Variants in MYH11 observed in about 807,000 individuals in gnomAD.
The protein encoded by MYH11 is myosin-11.
A neutral mutation model predicts 246.6 loss-of-function variants in MYH11; 80 were observed. That is an observed-to-expected ratio of 0.32 (90% CI 0.27 to 0.39). The LOEUF is 0.39. Ranked by LOEUF, MYH11 falls within the 10% of genes least tolerant of loss-of-function variation. The probability of loss-of-function intolerance (pLI) is 1.00; values close to 1 mark genes in which losing one functional copy is unlikely to be tolerated. For missense variants in MYH11, 2,158 were observed against 2,546.8 expected (o/e 0.85, Z 3.29); for synonymous variants, 1,071 against 1,015.5 (o/e 1.05, Z -1.04).
intron 15 of MYH11, among the ~76,000 whole-genome samples, chr16:15,751,847 G>A (rs547910722): frequency 1.3e-5 from 2 of 151,828 alleles, no homozygotes; most frequent in Admixed American, 1.3e-4. Context: ...TGCCCAGGCT[G>A]GAGTCCAATG....
Position 15,726,918 on chromosome 16 carries a change from T to C in MYH11, c.3788A>G (p.Glu1263Gly), listed in dbSNP as rs759729702. The change falls in exon 28 of 41, where the codon GAG (glutamate) becomes GGG (glycine). Residue 1263 changes from glutamate (E) to glycine (G), a missense_variant. Around this residue, in one of 11 missense-constraint regions of MYH11, gnomAD observed 1,013 missense variants for 993.5 expected, o/e 1.02. Coordinates refer to ENST00000300036, the MANE Select transcript of MYH11 (RefSeq NM_002474.3). ...CCCATCGCTGCACTTGGACTGCAGC[T>C]CCTGCACCTGCGCCTCCAGCTTCTT... ...KKKKLEAQVQELQSKCSDGER... is the reference protein window; with the variant it reads ...KKKKLEAQVQGLQSKCSDGER... 19 of 1,612,908 alleles carry C rather than the reference T, an allele frequency of 1.2e-5. No homozygotes were observed. The highest frequency in any genetic ancestry group is 1.4e-5 in the Non-Finnish European group (17 of 1,180,020).
chr16:15,849,078 G>C (rs1370519801), intron 1 of MYH11, among the ~76,000 whole-genome samples: 1 of 152,158 alleles, frequency 6.6e-6, no homozygotes. Context: ...AATGTTTTTG[G>C]TTGGGGGAAG....
At chr16:15,710,487 C>G (rs1175241491) in intron 40 of MYH11, among the ~76,000 whole-genome samples, 1 of 152,124 alleles carries the variant, frequency 6.6e-6, no homozygotes, top group Non-Finnish European at 1.5e-5. Flanking sequence ...CGCCACTGCA[C>G]TCCAGCCTGG....
chr16:15,743,516 C>T (rs116943288), intron 20 of MYH11, among the ~76,000 whole-genome samples: 3,577 of 152,250 alleles, frequency 0.023, 68 homozygotes, highest in South Asian at 0.071. Flanking sequence ...TCAGTGGGGA[C>T]GAACATTTCC....
intron 4 of MYH11, among the ~76,000 whole-genome samples, chr16:15,788,148 A>G (rs916607506): frequency 7.4e-6 from 1 of 134,866 alleles, no homozygotes; most frequent in Non-Finnish European, 1.5e-5. Context: ...AGAAATCATC[A>G]CAATGGAACC....
Position 15,820,468 on chromosome 16 carries a change from C to T in MYH11, c.502+2787G>A, listed in dbSNP as rs2043379495. Among the ~76,000 whole-genome samples the T allele has an allele frequency of 2.8e-5, 4 of 142,900 alleles. No homozygotes were observed. The Admixed American group carries it at 2.8e-4, about 10-fold the overall frequency. The allele number at this position is 142,900 out of a possible 152,430, so 93.7% of individuals were successfully genotyped here. A position where few individuals can be genotyped will look rare whatever the true frequency, so the allele number is the denominator to read the frequency against. On this transcript the variant is annotated intron_variant, in intron 3 of 40. Transcript: ENST00000300036. Reference sequence around the variant, plus strand: ...CAACCTGGGCACCAAGAGGGAAACTCCATCCGGAAAAAAAAAAAAAAAAAG... The same window carrying T: ...CAACCTGGGCACCAAGAGGGAAACTTCATCCGGAAAAAAAAAAAAAAAAAG...
chr16:15,817,525 G>A (rs536250712), intron 3 of MYH11, among the ~76,000 whole-genome samples: 61 of 152,042 alleles, frequency 4.0e-4, no homozygotes, highest in African/African-American at 1.4e-3. Context: ...AAAAAGGGGG[G>A]GAGAATTTAA....
In MYH11 at chr16:15,714,890, C is replaced by T. The variant is rs759479052; in HGVS notation, c.5786+19G>A. ...TCTGGCCTGAGAGACGGGGTCCTCCCGGGCCACGGGCTCCTCACCTGAGCT... is the reference window on the plus strand; with the variant it reads ...TCTGGCCTGAGAGACGGGGTCCTCCTGGGCCACGGGCTCCTCACCTGAGCT... On this transcript the variant is annotated intron_variant, in intron 40 of 40. Coordinates refer to ENST00000300036, the MANE Select transcript of MYH11 (RefSeq NM_002474.3). 24 of 1,612,636 alleles carry T rather than the reference C, an allele frequency of 1.5e-5. No homozygotes were observed. The highest frequency in any genetic ancestry group is 4.4e-5 in the South Asian group (4 of 91,046).
At chr16:15,823,231 C>T (rs1345292373) in intron 3 of MYH11, 24 bp downstream of exon 3, 1 of 1,613,702 alleles carries the variant, frequency 6.2e-7, no homozygotes, top group South Asian at 1.1e-5. Context: ...GGAGCTGGCC[C>T]CGTGCAGCCC....
At chr16:15,818,555 C>T (rs2043320032) in intron 3 of MYH11, among the ~76,000 whole-genome samples, 1 of 151,878 alleles carries the variant, frequency 6.6e-6, no homozygotes, top group African/African-American at 2.4e-5. Flanking sequence ...GCCTCAGCAC[C>T]CCCTGAGTAG....
At chr16:15,782,180 C>T (rs2042370651) in intron 6 of MYH11, among the ~76,000 whole-genome samples, 1 of 152,062 alleles carries the variant, frequency 6.6e-6, no homozygotes, top group African/African-American at 2.4e-5. Flanking sequence ...CGCACCAGGC[C>T]AATCAATATT....
intron 40 of MYH11, among the ~76,000 whole-genome samples, chr16:15,706,792 G>A (rs528698813): frequency 1.3e-5 from 2 of 152,076 alleles, no homozygotes; most frequent in Non-Finnish European, 2.9e-5. Context: ...TTTGGCTCTT[G>A]GAAGAGTCTA....
intron 24 of MYH11, among the ~76,000 whole-genome samples, chr16:15,738,075 C>T (rs933190592): frequency 6.6e-6 from 1 of 152,136 alleles, no homozygotes; most frequent in Non-Finnish European, 1.5e-5. Flanking sequence ...CGAGAGCCAC[C>T]GCACCCAGCC....
At chr16:15,820,631 T>C (rs773173294) in intron 3 of MYH11, among the ~76,000 whole-genome samples, 4 of 152,010 alleles carry the variant, frequency 2.6e-5, no homozygotes, top group African/African-American at 4.8e-5. Flanking sequence ...ACCCATCAAA[T>C]AAATCTGTAA....
At chr16:15,795,729 C>T (rs542144820) in intron 4 of MYH11, among the ~76,000 whole-genome samples, 13 of 152,330 alleles carry the variant, frequency 8.5e-5, no homozygotes, top group African/African-American at 3.1e-4. Context: ...ACAAAGTGCT[C>T]ACCATGGGGC....
In MYH11 at chr16:15,778,823, G is replaced by A; in HGVS notation, c.747C>T (p.Asn249=). ...SSRFGKFIRI[N]FDVTGYIVGA... ...CCACGATGTAACCCGTGACGTCGAA[G>A]TTGATGCGGATGAATTTGCCCTGCC... The change falls in exon 7 of 41, where the codon AAC becomes AAT. Residue 249 remains asparagine, a synonymous_variant. Coordinates refer to ENST00000300036, the MANE Select transcript of MYH11 (RefSeq NM_002474.3). 6.2e-7 allele frequency: 1 copy of A among 1,614,138 alleles called. No homozygotes were observed. The highest frequency in any genetic ancestry group is 8.5e-7 in the Non-Finnish European group (1 of 1,180,030).
At chr16:15,709,123 G>A (rs1011707099) in intron 40 of MYH11, among the ~76,000 whole-genome samples, 1 of 150,024 alleles carries the variant, frequency 6.7e-6, no homozygotes, top group East Asian at 2.0e-4. Flanking sequence ...TGTATTTTTA[G>A]TACAGATGGG....
intron 12 of MYH11, among the ~76,000 whole-genome samples, chr16:15,759,196 CTT>C (rs10593456): frequency 0.066 from 7,881 of 119,264 alleles, 826 homozygotes; most frequent in African/African-American, 0.23. Flanking sequence ...GAGATATGTG[CTT>C]TTTTTTTTTT....
chr16:15,741,416 G>A (rs368266234), intron 22 of MYH11, 47 bp downstream of exon 22: 3 of 1,585,626 alleles, frequency 1.9e-6, no homozygotes, highest in African/African-American at 1.3e-5. Flanking sequence ...TGTGGTGAGG[G>A]TCAAGTGATT....
Sources: gnomAD v4.1 joint callset for allele counts (sites outside exome capture counted in the v4.1 genomes callset) on GRCh38, gnomAD v4.1.1 for gene constraint, gnomAD v4.1.1 regional missense constraint, MANE v1.5 for transcripts, NCBI Gene and HGNC (gene_info 2026-07-23, HGNC 2026-07-21) for gene names.